WDR70: variants seen among roughly 807,000 people sequenced by gnomAD.
The protein encoded by WDR70 is WD repeat domain 70.
In WDR70, 53 loss-of-function variants were observed where a neutral mutation model predicts 88.6. The ratio of observed to expected loss-of-function variants is 0.60; its 90% CI spans 0.48 to 0.75. The LOEUF (loss-of-function observed/expected upper bound fraction) is 0.75, where lower values mean the gene tolerates loss of function less well. Ranked by LOEUF, WDR70 falls within the 30% of genes least tolerant of loss-of-function variation. The pLI is 0.00. For missense variants in WDR70, 610 were observed against 823.2 expected (o/e 0.74, Z 3.17); for synonymous variants, 280 against 270.0 (o/e 1.04, Z -0.36).
At chr5:37,531,607 T>TTG (rs1413074984) in intron 9 of WDR70, among the ~76,000 whole-genome samples, 1 of 133,530 alleles carries the variant, frequency 7.5e-6, no homozygotes, top group South Asian at 2.2e-4. Context: ...TTTTTTTTTT[T>TTG]GTCTGATATA....
chr5:37,480,570 A>C (rs571727877), intron 8 of WDR70, among the ~76,000 whole-genome samples: 1 of 152,134 alleles, frequency 6.6e-6, no homozygotes, highest in Non-Finnish European at 1.5e-5. Context: ...AAACCATCAG[A>C]TCTCATGAGA....
chr5:37,682,568 G>A (rs1326913659), intron 10 of WDR70, among the ~76,000 whole-genome samples: 4 of 151,974 alleles, frequency 2.6e-5, no homozygotes, highest in Non-Finnish European at 5.9e-5. Flanking sequence ...GGTGTTTAGC[G>A]CTATAAATTT....
chr5:37,685,088 A>G (rs7722722), intron 10 of WDR70, among the ~76,000 whole-genome samples: 6,334 of 150,298 alleles, frequency 0.042, 473 homozygotes, highest in African/African-American at 0.15. Flanking sequence ...CTCCATCTCT[A>G]TTTTCACTCT....
At chr5:37,614,085 A>G (rs1178361793) in intron 10 of WDR70, among the ~76,000 whole-genome samples, 26 of 152,216 alleles carry the variant, frequency 1.7e-4, no homozygotes, top group Admixed American at 6.5e-5. Flanking sequence ...GAAATGTATT[A>G]TCTTACAATT....
In WDR70 at chr5:37,584,439, T is replaced by C. The variant is rs115656481; in HGVS notation, c.918-20625T>C. Among the ~76,000 whole-genome samples, 547 of 152,352 alleles carry C rather than the reference T, an allele frequency of 3.6e-3. 6 individuals carry two copies. The highest frequency in any genetic ancestry group is 0.013 in the African/African-American group (530 of 41,578). ...TAATATTGACTTCATTACTTAACTC[T>C]GTGACTTGATTAAGCATTGTTTAAA... On this transcript the variant is annotated intron_variant, in intron 9 of 17. Coordinates refer to ENST00000265107, the MANE Select transcript of WDR70 (RefSeq NM_018034.4).
intron 9 of WDR70, among the ~76,000 whole-genome samples, chr5:37,552,623 CAGATGATA>C (rs1437544288): frequency 2.6e-5 from 4 of 152,128 alleles, no homozygotes; most frequent in Admixed American, 2.6e-4. Flanking sequence ...AGAAGTGAAA[CAGATGATA>C]AGATGATAGA....
intron 8 of WDR70, among the ~76,000 whole-genome samples, chr5:37,515,847 A>G (rs1740871933): frequency 6.6e-6 from 1 of 152,164 alleles, no homozygotes; most frequent in South Asian, 2.1e-4. Context: ...ATGCATTTGT[A>G]TATATGTGTG....
intron 10 of WDR70, among the ~76,000 whole-genome samples, chr5:37,689,037 TG>T (rs1356520188): frequency 2.6e-5 from 4 of 152,352 alleles, no homozygotes; most frequent in African/African-American, 7.2e-5. Flanking sequence ...GATTCTCTCC[TG>T]TGCCTGGCTC....
chr5:37,580,414 A>G (rs1436537837), intron 9 of WDR70, among the ~76,000 whole-genome samples: 2 of 152,140 alleles, frequency 1.3e-5, no homozygotes, highest in African/African-American at 2.4e-5. Context: ...ATTACCTACC[A>G]TTGCTCTGGG....
chr5:37,558,787 G>A (rs1252935276), intron 9 of WDR70, among the ~76,000 whole-genome samples: 1 of 152,058 alleles, frequency 6.6e-6, no homozygotes, highest in African/African-American at 2.4e-5. Flanking sequence ...TGGCTCCACA[G>A]CGATATCATT....
intron 13 of WDR70, among the ~76,000 whole-genome samples, chr5:37,707,524 C>T (rs1236995307): frequency 6.6e-6 from 1 of 151,990 alleles, no homozygotes; most frequent in Non-Finnish European, 1.5e-5. Flanking sequence ...GAAAACACTG[C>T]TATAACATCT....
At chr5:37,381,292 A>G (rs1257149251) in intron 2 of WDR70, among the ~76,000 whole-genome samples, 1 of 152,158 alleles carries the variant, frequency 6.6e-6, no homozygotes, top group Admixed American at 6.6e-5. Context: ...AAAGTCCATA[A>G]CCTTAATTAT....
chr5:37,569,114 G>A (rs906716114), intron 9 of WDR70, among the ~76,000 whole-genome samples: 1 of 152,164 alleles, frequency 6.6e-6, no homozygotes, highest in Non-Finnish European at 1.5e-5. Context: ...GCATAATTAG[G>A]AGAATTATGT....
chr5:37,638,860 G>A (rs529203179), intron 10 of WDR70, among the ~76,000 whole-genome samples: 19 of 152,138 alleles, frequency 1.2e-4, no homozygotes, highest in Non-Finnish European at 1.9e-4. Context: ...AAGGAGAAAG[G>A]TTTATTGTTT....
chr5:37,481,332 C>T (rs909160746), intron 8 of WDR70, among the ~76,000 whole-genome samples: 1 of 152,048 alleles, frequency 6.6e-6, no homozygotes, highest in African/African-American at 2.4e-5. Flanking sequence ...CCATGAGGGC[C>T]CCCCCCGCTC....
chr5:37,498,319 C>T (rs1740293155), intron 8 of WDR70, among the ~76,000 whole-genome samples: 1 of 152,156 alleles, frequency 6.6e-6, no homozygotes, highest in African/African-American at 2.4e-5. Context: ...TTACGGTGCT[C>T]TCTTGGTTTT....
At chr5:37,635,815 T>C (rs1385206024) in intron 10 of WDR70, among the ~76,000 whole-genome samples, 2 of 152,126 alleles carry the variant, frequency 1.3e-5, no homozygotes, top group African/African-American at 2.4e-5. Flanking sequence ...ATGATCCCCA[T>C]GTGTCATGGG....
intron 8 of WDR70, among the ~76,000 whole-genome samples, chr5:37,514,427 A>G (rs890038172): frequency 7.0e-6 from 1 of 142,228 alleles, no homozygotes; most frequent in Admixed American, 7.5e-5. Context: ...TGTGCAGGAT[A>G]TACAGGTTTG....
At chr5:37,506,267 A>G (rs1740557511) in intron 8 of WDR70, 4 of 919,982 alleles carry the variant, frequency 4.3e-6, no homozygotes, top group Middle Eastern at 3.2e-4. Flanking sequence ...ATATTGGTGA[A>G]TGATCCTCTG....
Sources: gnomAD v4.1 joint callset for allele counts (sites outside exome capture counted in the v4.1 genomes callset) on GRCh38, gnomAD v4.1.1 for gene constraint, MANE v1.5 for transcripts, NCBI Gene and HGNC (gene_info 2026-07-23, HGNC 2026-07-21) for gene names.